The following PCLO variants were observed in gnomAD, a reference collection of about 807,000 sequenced individuals.
The protein encoded by PCLO is piccolo presynaptic cytomatrix protein.
Under a neutral mutation model 427.5 loss-of-function variants are expected in PCLO, and 82 were observed. The observed-to-expected ratio is 0.19, with a 90% CI of 0.16 to 0.23. The LOEUF (loss-of-function observed/expected upper bound fraction) is 0.23. Among genes scored for constraint, PCLO ranks in the 10% least tolerant of loss-of-function variants. PCLO has a pLI of 1.00. For missense variants in PCLO, 6,239 were observed against 6,115.9 expected (o/e 1.02, Z -0.67); for synonymous variants, 2,357 against 2,155.4 (o/e 1.09, Z -2.59).
At chr7:83,107,451 T>C (rs1790885889) in intron 3 of PCLO, among the ~76,000 whole-genome samples, 1 of 150,494 alleles carries the variant, frequency 6.6e-6, no homozygotes, top group South Asian at 2.1e-4. Flanking sequence ...GATTTAAATA[T>C]GACTTAAGTT....
intron 22 of PCLO, among the ~76,000 whole-genome samples, chr7:82,773,005 T>C (rs1182817218): frequency 6.6e-6 from 1 of 152,130 alleles, no homozygotes; most frequent in Non-Finnish European, 1.5e-5. Context: ...AGAGCTGGTA[T>C]GATAGACCAA....
intron 22 of PCLO, among the ~76,000 whole-genome samples, chr7:82,768,866 T>C (rs560351922): frequency 7.9e-5 from 12 of 152,320 alleles, no homozygotes; most frequent in African/African-American, 2.9e-4. Flanking sequence ...CACATACCTC[T>C]ATCTCTAGCT....
At chr7:82,803,734 C>T (rs1791405297) in intron 21 of PCLO, among the ~76,000 whole-genome samples, 1 of 151,778 alleles carries the variant, frequency 6.6e-6, no homozygotes, top group South Asian at 2.1e-4. Context: ...TTTTACTAGC[C>T]CAAGCTATAA....
intron 3 of PCLO, among the ~76,000 whole-genome samples, chr7:83,113,236 C>T (rs190575111): frequency 7.2e-5 from 11 of 152,284 alleles, no homozygotes; most frequent in Non-Finnish European, 1.0e-4. Context: ...AGCAAGATGG[C>T]TATGAAGCTA....
chr7:82,933,944 T>C (rs887262188), intron 6 of PCLO, among the ~76,000 whole-genome samples: 6 of 151,884 alleles, frequency 4.0e-5, no homozygotes, highest in Admixed American at 2.0e-4. Flanking sequence ...GAGATCAATA[T>C]TTGTTGGGTT....
chr7:82,852,022 G>A (rs1482521079), intron 10 of PCLO, among the ~76,000 whole-genome samples: 1 of 151,614 alleles, frequency 6.6e-6, no homozygotes, highest in Non-Finnish European at 1.5e-5. Flanking sequence ...AAGGTAAGAA[G>A]GATGGAAGAA....
chr7:83,084,796 A>G (rs1225719627), intron 3 of PCLO, among the ~76,000 whole-genome samples: 1 of 152,146 alleles, frequency 6.6e-6, no homozygotes, highest in African/African-American at 2.4e-5. Flanking sequence ...AACGCTTTCA[A>G]TTAGCACCAG....
chr7:83,083,288 T>C (rs191363629), intron 3 of PCLO, among the ~76,000 whole-genome samples: 5 of 152,120 alleles, frequency 3.3e-5, no homozygotes, highest in African/African-American at 1.2e-4. Context: ...TTCTTAAATG[T>C]TTTGTTAATA....
At chr7:83,067,495 T>G (rs1554390100) in intron 3 of PCLO, among the ~76,000 whole-genome samples, 3 of 152,144 alleles carry the variant, frequency 2.0e-5, no homozygotes, top group Non-Finnish European at 4.4e-5. Context: ...TGACTAGTAT[T>G]GTAATAAAGA....
At chr7:82,879,971 T>G (rs1156234799) in intron 9 of PCLO, 4 of 358,784 alleles carry the variant, frequency 1.1e-5, no homozygotes, top group Non-Finnish European at 2.1e-5. Flanking sequence ...TGTTTGTGTA[T>G]TAACCTGACA....
chr7:82,762,889 G>A (rs532252063), intron 22 of PCLO, among the ~76,000 whole-genome samples: 6 of 151,922 alleles, frequency 3.9e-5, no homozygotes, highest in African/African-American at 1.4e-4. Context: ...CAATCCTCCT[G>A]CCTTGGCCTT....
At chr7:82,886,178 C>A (rs1793623595) in intron 9 of PCLO, among the ~76,000 whole-genome samples, 1 of 152,174 alleles carries the variant, frequency 6.6e-6, no homozygotes, top group African/African-American at 2.4e-5. Context: ...ATGCATGGTT[C>A]AATCTGTAGC....
At chr7:83,130,596 G>A (rs1225673565) in intron 3 of PCLO, among the ~76,000 whole-genome samples, 2 of 152,078 alleles carry the variant, frequency 1.3e-5, no homozygotes, top group African/African-American at 4.8e-5. Flanking sequence ...GTATGTAAAT[G>A]CTTTTGAGTA....
chr7:83,098,695 G>C (rs55987241), intron 3 of PCLO, among the ~76,000 whole-genome samples: 1 of 151,718 alleles, frequency 6.6e-6, no homozygotes, highest in African/African-American at 2.4e-5. Context: ...ATCCTTTAGC[G>C]TTTTCTTACT....
intron 4 of PCLO, among the ~76,000 whole-genome samples, chr7:82,961,191 G>C (rs1795648965): frequency 6.6e-6 from 1 of 152,126 alleles, no homozygotes; most frequent in Non-Finnish European, 1.5e-5. Flanking sequence ...AGAAAATTCT[G>C]CATCAGGAAA....
At chr7:82,837,853 T>C (rs1048049920) in intron 15 of PCLO, among the ~76,000 whole-genome samples, 3 of 152,102 alleles carry the variant, frequency 2.0e-5, no homozygotes, top group East Asian at 1.9e-4. Flanking sequence ...TCCTTGAATA[T>C]TGATTTCTCA....
At chr7:83,019,981 T>C (rs1227323742) in intron 3 of PCLO, among the ~76,000 whole-genome samples, 2 of 152,136 alleles carry the variant, frequency 1.3e-5, no homozygotes, top group Non-Finnish European at 2.9e-5. Context: ...TATGTAGCTC[T>C]CAGAAGTAAG....
At chr7:83,120,919 G>A (rs1791261070) in intron 3 of PCLO, among the ~76,000 whole-genome samples, 1 of 152,130 alleles carries the variant, frequency 6.6e-6, no homozygotes, top group Non-Finnish European at 1.5e-5. Flanking sequence ...TAGTAACAAT[G>A]ATAACAAAAA....
intron 6 of PCLO, among the ~76,000 whole-genome samples, chr7:82,939,110 A>G (rs2116372645): frequency 6.6e-6 from 1 of 152,236 alleles, no homozygotes; most frequent in African/African-American, 2.4e-5. Flanking sequence ...ATAAAGACAG[A>G]CTGTAGTGAT....
Sources: allele counts gnomAD v4.1 joint callset (sites outside exome capture counted in the v4.1 genomes callset), GRCh38; gene constraint gnomAD v4.1.1; transcripts MANE v1.5; gene names NCBI Gene and HGNC (gene_info 2026-07-23, HGNC 2026-07-21).